C1QTNF2: variants seen among roughly 807,000 people sequenced by gnomAD.
C1QTNF2 encodes the protein C1q and TNF related 2.
A neutral mutation model predicts 17.4 loss-of-function variants in C1QTNF2; 15 were observed. The ratio of observed to expected loss-of-function variants is 0.86; its 90% CI spans 0.58 to 1.33. The LOEUF is 1.33. C1QTNF2 is among the 40% of genes most tolerant of loss of function. The probability of loss-of-function intolerance (pLI) is 0.00; values close to 1 mark genes in which losing one functional copy is unlikely to be tolerated. For missense variants in C1QTNF2, 381 were observed against 392.3 expected, an observed-to-expected ratio of 0.97 and a Z score of 0.24; for synonymous variants, 154 against 163.3, an observed-to-expected ratio of 0.94 and a Z score of 0.44.
intron 1 of C1QTNF2, among the ~76,000 whole-genome samples, chr5:160,367,024 A>AC (rs1028527839): frequency 1.0e-4 from 15 of 149,946 alleles, no homozygotes; most frequent in Non-Finnish European, 1.9e-4. Flanking sequence ...ACATTGTCAA[A>AC]AAAAAAAAAA....
At chr5:160,351,185 A>G (rs1053537202) in intron 2 of C1QTNF2, among the ~76,000 whole-genome samples, 11 of 152,140 alleles carry the variant, frequency 7.2e-5, no homozygotes, top group African/African-American at 2.4e-4. Context: ...AGGCTTTTTG[A>G]TGTTTCATAC....
chr5:160,367,162 C>A (rs17057730), intron 1 of C1QTNF2, among the ~76,000 whole-genome samples: 2,576 of 152,258 alleles, frequency 0.017, 67 homozygotes, highest in African/African-American at 0.059. Flanking sequence ...TCAGTGGCCT[C>A]ACACAGATCA....
intron 1 of C1QTNF2, among the ~76,000 whole-genome samples, chr5:160,361,345 A>G (rs1421665242): frequency 6.6e-6 from 1 of 152,194 alleles, no homozygotes; most frequent in Admixed American, 6.5e-5. Flanking sequence ...TGGGCCTCTC[A>G]TTGATCCTTC....
intron 1 of C1QTNF2, among the ~76,000 whole-genome samples, chr5:160,364,999 G>T (rs942947903): frequency 6.6e-6 from 1 of 152,182 alleles, no homozygotes; most frequent in Non-Finnish European, 1.5e-5. Flanking sequence ...GGGAATTAGA[G>T]GTGAAAAGAT....
chr5:160,360,357 A>G (rs1379945549), intron 1 of C1QTNF2, among the ~76,000 whole-genome samples: 1 of 152,224 alleles, frequency 6.6e-6, no homozygotes, highest in African/African-American at 2.4e-5. Flanking sequence ...CCTCAAGAAA[A>G]TCCACAGCGA....
chr5:160,358,660 A>G (rs1273406837), intron 1 of C1QTNF2, among the ~76,000 whole-genome samples: 1 of 152,026 alleles, frequency 6.6e-6, no homozygotes, highest in Admixed American at 6.6e-5. Context: ...ATTTAGAATC[A>G]AGAACTTGGG....
chr5:160,367,048 A>T (rs1249906317), intron 1 of C1QTNF2, among the ~76,000 whole-genome samples: 4 of 151,944 alleles, frequency 2.6e-5, no homozygotes. Flanking sequence ...AAGAAAAAGA[A>T]TAAACAACGT....
At chr5:160,368,883 A>G (rs1764295629) in intron 1 of C1QTNF2, among the ~76,000 whole-genome samples, 1 of 152,202 alleles carries the variant, frequency 6.6e-6, no homozygotes, top group East Asian at 1.9e-4. Context: ...AGTGGCTTCA[A>G]ACGTGACTCC....
intron 2 of C1QTNF2, 50 bp downstream of exon 2, chr5:160,354,718 G>A (rs765456961): frequency 1.6e-5 from 26 of 1,608,144 alleles, no homozygotes; most frequent in African/African-American, 4.0e-5. Flanking sequence ...CCCACATGCC[G>A]GATGCTGTCA....
chr5:160,368,558 A>C (rs1413100514), intron 1 of C1QTNF2, among the ~76,000 whole-genome samples: 2 of 151,722 alleles, frequency 1.3e-5, no homozygotes. Context: ...GAAAAAAAAG[A>C]GAAGCTAAAA....
rs1243985519 is a variant in C1QTNF2, at chr5:160,354,999, C to G, written c.13G>C (p.Val5Leu). 1 of 1,573,538 alleles carries G rather than the reference C, an allele frequency of 6.4e-7. No homozygotes were observed. The highest frequency in any genetic ancestry group is 8.6e-7 in the Non-Finnish European group (1 of 1,161,338). Residue 5 changes from valine (V) to leucine (L), a missense_variant, in exon 2 of 3, where the codon GTG becomes CTG. Val to Leu is a conservative substitution (Grantham distance 32). Transcript: ENST00000652664. ...CAGGGGAGGGCACAGGCCAGGAGCA[C>G]CCAGGGGATCATGGTGGTTACCTGT... MIPW[V>L]LLACALPCAA...
rs186717738 is a variant in C1QTNF2, at chr5:160,355,748, T to C, written c.-9-728A>G. On this transcript the variant is annotated intron_variant, in intron 1 of 2. Transcript: ENST00000652664. The stretch of plus-strand genomic sequence containing the variant: ...GGGCCGCATGCACCCCAGGATGGCT[T>C]TGAATGCAGCCCAACACAAGTTTTG... 8.3e-3 allele frequency among the ~76,000 whole-genome samples: 1,257 copies of C among 152,346 alleles called. 7 individuals carry two copies. The highest frequency in any genetic ancestry group is 0.011 in the Non-Finnish European group (762 of 68,024).
At chr5:160,359,055 C>T (rs1035831057) in intron 1 of C1QTNF2, among the ~76,000 whole-genome samples, 1 of 152,154 alleles carries the variant, frequency 6.6e-6, no homozygotes, top group Non-Finnish European at 1.5e-5. Context: ...AGATTACAGG[C>T]GTGAGCCACC....
chr5:160,353,780 T>G (rs1763972189), intron 2 of C1QTNF2, among the ~76,000 whole-genome samples: 1 of 143,080 alleles, frequency 7.0e-6, no homozygotes, highest in Admixed American at 7.1e-5. Flanking sequence ...GCTCTTGGAC[T>G]TCTCAGGCTT....
chr5:160,361,184 T>C (rs1764147778), intron 1 of C1QTNF2, among the ~76,000 whole-genome samples: 1 of 152,194 alleles, frequency 6.6e-6, no homozygotes, highest in Non-Finnish European at 1.5e-5. Flanking sequence ...TCAATACACA[T>C]GTTCTAGAAA....
At chr5:160,360,796 C>CTT (rs5872641) in intron 1 of C1QTNF2, among the ~76,000 whole-genome samples, 7 of 136,472 alleles carry the variant, frequency 5.1e-5, no homozygotes, top group African/African-American at 8.1e-5. Flanking sequence ...TGGATGAGTT[C>CTT]TTTTTTTTTT....
Position 160,349,255 on chromosome 5 carries a change from G to T in C1QTNF2, c.771C>A (p.Asn257Lys). The change falls in exon 3 of 3, where the codon AAC (asparagine) becomes AAA (lysine). Residue 257 changes from asparagine (N) to lysine (K), a missense_variant. Transcript: ENST00000652664. This position sits in a 1 kb window ranked among gnomAD's most constrained non-coding sequence, Gnocchi z 4.3. ...TCCAGTAAGGGTCATAGAAGAGCCCGTTCTGCTCTGAGTAGAAGATCTGCA... is the reference window on the plus strand; with the variant it reads ...TCCAGTAAGGGTCATAGAAGAGCCCTTTCTGCTCTGAGTAGAAGATCTGCA... ...VWLQIFYSEQ[N>K]GLFYDPYWTD... 6.2e-7 allele frequency: 1 copy of T among 1,614,148 alleles called. No homozygotes were observed. Among genetic ancestry groups the T allele is most frequent in the Non-Finnish European group, 8.5e-7 (1 of 1,180,038 alleles).
intron 1 of C1QTNF2, among the ~76,000 whole-genome samples, chr5:160,369,788 G>A (rs2113544390): frequency 6.6e-6 from 1 of 152,280 alleles, no homozygotes; most frequent in East Asian, 1.9e-4. Context: ...AGGGCCCACT[G>A]CAATTATTTA....
intron 1 of C1QTNF2, among the ~76,000 whole-genome samples, chr5:160,355,836 G>A (rs1287372285): frequency 3.9e-5 from 6 of 152,044 alleles, no homozygotes; most frequent in Non-Finnish European, 5.9e-5. Flanking sequence ...ATCACCTATC[G>A]TTAGTGTATT....
Sources: allele counts gnomAD v4.1 joint callset (sites outside exome capture counted in the v4.1 genomes callset), GRCh38; gene constraint gnomAD v4.1.1; non-coding constraint Gnocchi (gnomAD v3.1); transcripts MANE v1.5; gene names NCBI Gene and HGNC (gene_info 2026-07-23, HGNC 2026-07-21).